The following CKMT1A variants were observed in gnomAD, a reference collection of about 807,000 sequenced individuals.
The protein encoded by CKMT1A is creatine kinase, mitochondrial 1A.
CKMT1A carries 23 observed loss-of-function variants against 21.8 expected under a neutral mutation model. The ratio of observed to expected loss-of-function variants is 1.05; its 90% confidence interval spans 0.76 to 1.49. The LOEUF (loss-of-function observed/expected upper bound fraction) is 1.49, where lower values mean the gene tolerates loss of function less well. CKMT1A is among the 40% of genes most tolerant of loss of function. The probability of loss-of-function intolerance (pLI) is 0.00; values close to 1 mark genes in which losing one functional copy is unlikely to be tolerated. For synonymous variants in CKMT1A, 67 were observed against 80.4 expected (o/e 0.83, Z 0.89); for missense variants, 154 against 229.4 (o/e 0.67, Z 2.12).
At chr15:43,696,710 T>C in intron 6 of CKMT1A, 1 of 296,348 alleles carries the variant, frequency 3.4e-6, no homozygotes, top group South Asian at 4.3e-5. Flanking sequence ...CTTAGATTGA[T>C]GTTGGCGGGG....
chr15:43,699,098 C>T lies in CKMT1A; in HGVS notation c.*9C>T, dbSNP rs752318024. The stretch of plus-strand genomic sequence containing the variant: ...TCCACACCAAGCATTAACTCCCCAT[C>T]GCCAGCTGATGACTCAAGATTCCAA... On this transcript the variant is annotated 3_prime_UTR_variant, in exon 9 of 9. Coordinates refer to ENST00000413453, the MANE Select transcript of CKMT1A (RefSeq NM_001321926.2). 23 of 1,613,356 alleles carry T rather than the reference C, an allele frequency of 1.4e-5. No individual in the cohort carries two copies. Among genetic ancestry groups the T allele is most frequent in the Admixed American group, 8.3e-5 (5 of 59,966 alleles).
chr15:43,698,706 C>T lies in CKMT1A; in HGVS notation c.1077C>T (p.Asp359=). 1.2e-6 allele frequency: 2 copies of T among 1,613,616 alleles called. No individual in the cohort carries two copies. Among genetic ancestry groups the T allele is most frequent in the Non-Finnish European group, 1.7e-6 (2 of 1,179,846 alleles). ...RLQKRGTGGV[D]TAATGGVFDI... is the part of the protein sequence containing the mutation. ...AAAAGCGTGGTACTGGAGGAGTGGA[C>T]ACTGCTGCCACAGGCGGTGTCTTTG... The change falls in exon 8 of 9, where the codon GAC becomes GAT. Residue 359 remains aspartate (D), a synonymous_variant. Transcript: ENST00000413453.
At chr15:43,697,519 C>T in intron 6 of CKMT1A, 1 of 984,662 alleles carries the variant, frequency 1.0e-6, no homozygotes, top group Non-Finnish European at 1.2e-6. Context: ...GGCTTTCCTG[C>T]TCTGTTTTCA....
intron 6 of CKMT1A, chr15:43,697,354 C>G: frequency 8.1e-7 from 1 of 1,240,936 alleles, no homozygotes; most frequent in Non-Finnish European, 1.0e-6. Context: ...TCCTTCTGAA[C>G]TACAAACAGG....
At position 43,699,161 on chromosome 15, in the gene CKMT1A, G is replaced by T. The variant is rs2086503886; in HGVS notation, c.*72G>T. On this transcript the variant is annotated 3_prime_UTR_variant, in exon 9 of 9. Coordinates refer to ENST00000413453, the MANE Select transcript of CKMT1A (RefSeq NM_001321926.2). ...ATTCTAATGATGGCCCATTCTACTT[G>T]CTCTGGACCTGCCCTCGCATCCCCT... The T allele has an allele frequency of 6.2e-7, 1 of 1,611,128 alleles. No homozygotes were observed. Among genetic ancestry groups the T allele is most frequent in the African/African-American group, 1.3e-5 (1 of 74,414 alleles).
chr15:43,696,646 C>T, intron 6 of CKMT1A: 1 of 513,364 alleles, frequency 1.9e-6, no homozygotes, highest in South Asian at 2.3e-5. Context: ...CACGTCAGTG[C>T]CTGGGATGTG....
At chr15:43,697,482 C>A (rs1321369186) in intron 6 of CKMT1A, 4 of 983,910 alleles carry the variant, frequency 4.1e-6, no homozygotes, top group East Asian at 2.3e-4. Flanking sequence ...AAAATGCCTT[C>A]CCCCTGTCCC....
Position 43,699,187 on chromosome 15 carries a change from G to A in CKMT1A, c.*98G>A. 1 of 1,592,774 alleles carries A rather than the reference G, an allele frequency of 6.3e-7. No individual in the cohort carries two copies. Among genetic ancestry groups the A allele is most frequent in the East Asian group, 2.2e-5 (1 of 44,682 alleles). ...CTCTGGACCTGCCCTCGCATCCCCT[G>A]CCTCCATCCTAGTAAAGACTCCTTG... On this transcript the variant is annotated 3_prime_UTR_variant, in exon 9 of 9. Transcript: ENST00000413453.
In CKMT1A at chr15:43,698,693, C is replaced by T. The variant is rs1323054017; in HGVS notation, c.1064C>T (p.Thr355Ile). 6 of 1,613,438 alleles carry T rather than the reference C, an allele frequency of 3.7e-6. No homozygotes were observed. Among genetic ancestry groups the T allele is most frequent in the South Asian group, 1.1e-5 (1 of 91,020 alleles). ...LENLRLQKRGTGGVDTAATGG... is the reference protein window; with the variant it reads ...LENLRLQKRGIGGVDTAATGG... ...AACCTAAGACTCCAAAAGCGTGGTA[C>T]TGGAGGAGTGGACACTGCTGCCACA... Residue 355 changes from threonine (T) to isoleucine (I), a missense_variant, in exon 8 of 9, where the codon ACT becomes ATT. By Grantham distance (89) the Thr-to-Ile change is moderately conservative (BLOSUM62 -1). Transcript: ENST00000413453.
rs1447153156 is a variant in CKMT1A, at chr15:43,698,632, C to G, written c.1012-9C>G. ...TTGACCCTGCTCCCAATCCCTATCT[C>G]CTCTCTAGGATAGCCGCTTCCCAAA... is the stretch of plus-strand genomic sequence containing the variant. On this transcript the variant is annotated splice_polypyrimidine_tract_variant and intron_variant, in intron 7 of 8. Transcript: ENST00000413453. 7 of 1,611,570 alleles carry G rather than the reference C, an allele frequency of 4.3e-6. No homozygotes were observed. In the Admixed American group the frequency reaches 1.0e-4, roughly 23 times the overall value.
Position 43,696,230 on chromosome 15 carries a change from C to T in CKMT1A, c.753-10C>T, listed in dbSNP as rs201907165. On this transcript the variant is annotated splice_polypyrimidine_tract_variant and intron_variant, in intron 5 of 8. Transcript: ENST00000413453. ...TTGCCTCTTGATCACTGTCCCTCTC[C>T]GGCCCTCAGGCACAACAATGAGAAG... 7.9e-4 allele frequency: 1,229 copies of T among 1,563,920 alleles called. 4 individuals carry two copies. In the African/African-American group the frequency reaches 0.013, roughly 17 times the overall value.
At chr15:43,697,000 T>C in intron 6 of CKMT1A, 1 of 291,924 alleles carries the variant, frequency 3.4e-6, no homozygotes, top group Non-Finnish European at 6.8e-6. Context: ...TCTTACTGTA[T>C]GTTCTCAAAC....
At chr15:43,698,365 T>C (rs1162740465) in intron 7 of CKMT1A, among the ~76,000 whole-genome samples, 3 of 151,636 alleles carry the variant, frequency 2.0e-5, no homozygotes, top group African/African-American at 7.3e-5. Flanking sequence ...CTGGGCAACC[T>C]GGTGAAACCC....
chr15:43,696,814 G>A (rs1038188089), intron 6 of CKMT1A: 22 of 251,900 alleles, frequency 8.7e-5, no homozygotes, highest in Admixed American at 1.0e-4. Flanking sequence ...TTAAAGTATC[G>A]GGTCTAGGCT....
chr15:43,698,523 A>AG, intron 7 of CKMT1A, 118 bp from the exon 8 acceptor site: 10 of 1,387,324 alleles, frequency 7.2e-6, no homozygotes, highest in Non-Finnish European at 8.7e-6. Context: ...AAAAAAAAAA[A>AG]GAAAAAAGGA....
chr15:43,698,629 T>C lies in CKMT1A; in HGVS notation c.1012-12T>C. ...CTATTGACCCTGCTCCCAATCCCTA[T>C]CTCCTCTCTAGGATAGCCGCTTCCC... On this transcript the variant is annotated splice_polypyrimidine_tract_variant and intron_variant, in intron 7 of 8. Transcript: ENST00000413453. 6.2e-7 allele frequency: 1 copy of C among 1,610,592 alleles called. No individual in the cohort carries two copies. Among genetic ancestry groups the C allele is most frequent in the Non-Finnish European group, 8.5e-7 (1 of 1,178,106 alleles).
chr15:43,697,552 T>C, intron 6 of CKMT1A: 6 of 984,768 alleles, frequency 6.1e-6, no homozygotes, highest in Non-Finnish European at 6.0e-6. Context: ...TTCACACAGG[T>C]GCTCCGTTCA....
rs558234493 is a variant in CKMT1A at position 43,696,340 on chromosome 15, A to C, written c.853A>C (p.Arg285=). 3.7e-6 allele frequency: 6 copies of C among 1,610,424 alleles called. No homozygotes were observed. The Admixed American group carries it at 8.4e-5, about 22-fold the overall frequency. Residue 285 remains arginine, a synonymous_variant, in exon 6 of 9, where the codon AGA becomes CGA. Coordinates refer to ENST00000413453, the MANE Select transcript of CKMT1A (RefSeq NM_001321926.2). ...TGGTAACATGAAGAGAGTGTTTGAA[A>C]GATTCTGCCGAGGCCTCAAAGAGGT... is the stretch of plus-strand genomic sequence containing the variant. ...KGGNMKRVFE[R]FCRGLKEVER... is the part of the protein sequence containing the mutation.
At chr15:43,697,304 C>T in intron 6 of CKMT1A, 1 of 1,267,006 alleles carries the variant, frequency 7.9e-7, no homozygotes, top group Non-Finnish European at 1.0e-6. Context: ...GAAGAGTTTC[C>T]CCCCATGTTC....
Sources: gnomAD v4.1 joint callset for allele counts (sites outside exome capture counted in the v4.1 genomes callset) on GRCh38, gnomAD v4.1.1 for gene constraint, MANE v1.5 for transcripts, NCBI Gene and HGNC (gene_info 2026-07-23, HGNC 2026-07-21) for gene names.